Variants in PCSK6 observed in about 807,000 individuals in gnomAD.
The protein encoded by PCSK6 is proprotein convertase subtilisin/kexin type 6, also known as paired basic amino acid cleaving enzyme 4.
In PCSK6, 85 loss-of-function variants were observed where a neutral mutation model predicts 123.3. That is an observed-to-expected ratio of 0.69 (90% confidence interval 0.58 to 0.83). The LOEUF is 0.83. Ranked by LOEUF, PCSK6 falls within the 40% of genes least tolerant of loss-of-function variation. PCSK6 has a pLI of 0.00. For synonymous variants in PCSK6, 508 were observed against 516.0 expected (o/e 0.98, Z 0.21); for missense variants, 1,191 against 1,282.3 (o/e 0.93, Z 1.09).
intron 1 of PCSK6, among the ~76,000 whole-genome samples, chr15:101,478,196 G>A (rs1042081874): frequency 6.6e-6 from 1 of 152,176 alleles, no homozygotes; most frequent in Non-Finnish European, 1.5e-5. Flanking sequence ...ACTATAGCAG[G>A]TTACTCAGCC....
intron 1 of PCSK6, among the ~76,000 whole-genome samples, chr15:101,485,845 A>C (rs2058007603): frequency 6.6e-6 from 1 of 152,170 alleles, no homozygotes; most frequent in Non-Finnish European, 1.5e-5. Flanking sequence ...ATTCCACATT[A>C]AATCTTGTCA....
At chr15:101,411,693 AG>A (rs2055693349) in intron 6 of PCSK6, among the ~76,000 whole-genome samples, 1 of 151,978 alleles carries the variant, frequency 6.6e-6, no homozygotes, top group Non-Finnish European at 1.5e-5. Flanking sequence ...CAAATACCAC[AG>A]CAAGGAACCG....
chr15:101,329,509 T>TG, intron 15 of PCSK6, among the ~76,000 whole-genome samples: 1 of 152,356 alleles, frequency 6.6e-6, no homozygotes, highest in East Asian at 1.9e-4. Context: ...TGCTGTGCCC[T>TG]GAGCAAGCGA....
At chr15:101,315,742 G>T (rs867959063) in intron 19 of PCSK6, among the ~76,000 whole-genome samples, 29 of 152,368 alleles carry the variant, frequency 1.9e-4, no homozygotes, top group African/African-American at 5.8e-4. Context: ...TGTGTGCCCT[G>T]CAGGCTGTCA....
At chr15:101,368,981 G>A (rs8030933) in intron 12 of PCSK6, among the ~76,000 whole-genome samples, 59,055 of 152,144 alleles carry the variant, frequency 0.39, 12,593 homozygotes, top group African/African-American at 0.55. Flanking sequence ...ACAGGCAGAG[G>A]CACAGCACGG....
At chr15:101,444,064 A>G (rs2056825634) in intron 1 of PCSK6, among the ~76,000 whole-genome samples, 1 of 152,208 alleles carries the variant, frequency 6.6e-6, no homozygotes, top group Non-Finnish European at 1.5e-5. Flanking sequence ...AACAAACCCC[A>G]TCCTCTCCAC....
At chr15:101,357,064 G>GT (rs930322518) in intron 13 of PCSK6, among the ~76,000 whole-genome samples, 4 of 152,200 alleles carry the variant, frequency 2.6e-5, no homozygotes, top group African/African-American at 4.8e-5. Context: ...CATTGGAGCA[G>GT]TTTTTTTCTT....
chr15:101,376,500 A>G (rs1353000164), intron 11 of PCSK6, among the ~76,000 whole-genome samples: 5 of 152,246 alleles, frequency 3.3e-5, no homozygotes, highest in Admixed American at 3.3e-4. Context: ...CTCGGTCTAT[A>G]TGGACAGGCT....
chr15:101,434,617 C>T (rs929559258), intron 2 of PCSK6, among the ~76,000 whole-genome samples: 5 of 152,202 alleles, frequency 3.3e-5, no homozygotes, highest in African/African-American at 9.6e-5. Flanking sequence ...CTCTCTCTGT[C>T]GTGGTCGCAG....
intron 1 of PCSK6, among the ~76,000 whole-genome samples, chr15:101,447,747 G>A (rs914046570): frequency 6.6e-6 from 1 of 152,254 alleles, no homozygotes; most frequent in African/African-American, 2.4e-5. Flanking sequence ...GGTGGCTGCT[G>A]CTTGGCTGTG....
Position 101,463,017 on chromosome 15 carries a change from T to C in PCSK6, c.298-19357A>G, listed in dbSNP as rs1259230186. 3 of 460,166 alleles carry C rather than the reference T, an allele frequency of 6.5e-6. No homozygotes were observed. In the East Asian group the frequency reaches 2.0e-4, roughly 30 times the overall value. 28.5% of individuals were successfully genotyped at this position (460,166 alleles called of 1,614,324 possible). On this transcript the variant is annotated intron_variant, in intron 1 of 21. Transcript: ENST00000611716. The stretch of plus-strand genomic sequence containing the variant: ...TTCCTCCTCCGTGTTGGGAGAGTTG[T>C]CTCTGCAGATGGTGGGTGAGAGTTC...
chr15:101,462,071 C>T (rs746973288), intron 1 of PCSK6, among the ~76,000 whole-genome samples: 30 of 152,106 alleles, frequency 2.0e-4, no homozygotes, highest in Non-Finnish European at 3.1e-4. Flanking sequence ...ATAACCATAT[C>T]AAATCTATGG....
intron 1 of PCSK6, among the ~76,000 whole-genome samples, chr15:101,474,803 C>A (rs2057690253): frequency 6.6e-6 from 1 of 152,184 alleles, no homozygotes; most frequent in Non-Finnish European, 1.5e-5. Flanking sequence ...TGTTTTGCCT[C>A]CATCCCTGCA....
chr15:101,337,214 AGGAT>A (rs2040502681), intron 13 of PCSK6: 1 of 152,244 alleles, frequency 6.6e-6, no homozygotes, highest in Admixed American at 6.6e-5. Context: ...AATGTTTGCC[AGGAT>A]GGTCTTGGTC....
intron 1 of PCSK6, among the ~76,000 whole-genome samples, chr15:101,458,934 C>T (rs920156512): frequency 6.6e-5 from 10 of 152,152 alleles, no homozygotes; most frequent in African/African-American, 2.2e-4. Context: ...CCCGACATCC[C>T]GCAAGCATGC....
rs182076163 is a variant in PCSK6, at chr15:101,323,589, C to T, written c.2378-982G>A. The stretch of plus-strand genomic sequence containing the variant: ...CTACTAAAAATACAAAAAAATTAGC[C>T]GGGCGTGATGGCGCATGCCTGTAAG... On this transcript the variant is annotated intron_variant, in intron 17 of 21. Coordinates refer to ENST00000611716, the MANE Select transcript of PCSK6 (RefSeq NM_002570.5). Among the ~76,000 whole-genome samples the T allele has an allele frequency of 6.6e-5, 10 of 152,142 alleles. No individual in the cohort carries two copies. In the East Asian group the frequency reaches 1.2e-3, roughly 18 times the overall value.
intron 11 of PCSK6, among the ~76,000 whole-genome samples, chr15:101,372,238 C>T (rs148124866): frequency 9.2e-5 from 14 of 152,276 alleles, no homozygotes; most frequent in Admixed American, 3.3e-4. Context: ...CCCCACCACA[C>T]GACCGGTGCT....
At chr15:101,322,936 C>A (rs187744712) in intron 17 of PCSK6, among the ~76,000 whole-genome samples, 1 of 152,186 alleles carries the variant, frequency 6.6e-6, no homozygotes. Context: ...TGAAAGTGGC[C>A]GGGTGTGGGC....
intron 16 of PCSK6, among the ~76,000 whole-genome samples, chr15:101,325,495 T>A (rs756762930): frequency 2.6e-5 from 4 of 152,184 alleles, no homozygotes; most frequent in African/African-American, 4.8e-5. Context: ...GCACCCGGCT[T>A]GACCTTGCAC....
Sources: gnomAD v4.1 joint callset for allele counts (sites outside exome capture counted in the v4.1 genomes callset) on GRCh38, gnomAD v4.1.1 for gene constraint, MANE v1.5 for transcripts, NCBI Gene and HGNC (gene_info 2026-07-23, HGNC 2026-07-21) for gene names.